TEX22: variants seen among roughly 807,000 people sequenced by gnomAD.
TEX22 encodes testis-expressed protein 22.
In TEX22, 16 loss-of-function variants were observed where a neutral mutation model predicts 11.3. That is an observed-to-expected ratio of 1.42 (90% CI 0.96 to 2.15). The LOEUF is 2.15. TEX22 is among the 30% of genes most tolerant of loss of function. TEX22 has a pLI of 0.00. For missense variants in TEX22, 220 were observed against 208.6 expected, an observed-to-expected ratio of 1.05 and a Z score of -0.34; for synonymous variants, 97 against 92.3, an observed-to-expected ratio of 1.05 and a Z score of -0.29.
At chr14:105,398,990 C>T (rs782445384) in intron 1 of TEX22, among the ~76,000 whole-genome samples, 1 of 152,254 alleles carries the variant, frequency 6.6e-6, no homozygotes. Flanking sequence ...AGGGCTGATG[C>T]CCCTGGAACG....
Position 105,399,327 on chromosome 14 carries a change from T to C in TEX22, c.-14T>C. 7.1e-7 allele frequency: 1 copy of C among 1,409,550 alleles called. No homozygotes were observed. 87.3% of individuals were successfully genotyped at this position (1,409,550 alleles called of 1,614,324 possible). A position where few individuals can be genotyped will look rare whatever the true frequency, so the allele number is the denominator to read the frequency against. On this transcript the variant is annotated 5_prime_UTR_variant, in exon 2 of 4. Coordinates refer to ENST00000451127, the MANE Select transcript of TEX22 (RefSeq NM_001195082.2). ...ATCTCAGAGGTGTGGACAAGCAGCC[T>C]ACTAGGGCTAGAGATGGACAGCAGG...
chr14:105,407,439 G>A (rs1174356564), intron 2 of TEX22, among the ~76,000 whole-genome samples: 1 of 151,224 alleles, frequency 6.6e-6, no homozygotes, highest in Non-Finnish European at 1.5e-5. Context: ...GTGGCACCAT[G>A]ACGGCTCACT....
At position 105,405,160 on chromosome 14, in the gene TEX22, A is replaced by T. The variant is rs2081651997; in HGVS notation, c.150+5670A>T. The stretch of plus-strand genomic sequence containing the variant: ...CAAAAAGTTAGCCAGGCATGGTGGC[A>T]TGTACCTGTAGTGCCAGCTACGTGG... On this transcript the variant is annotated intron_variant, in intron 2 of 3. Transcript: ENST00000451127. Among the ~76,000 whole-genome samples the T allele has an allele frequency of 2.0e-5, 3 of 152,102 alleles. No individual in the cohort carries two copies. The South Asian group carries it at 6.2e-4, about 32-fold the overall frequency.
In TEX22 at chr14:105,411,651, C is replaced by T. The variant is rs1555419405; in HGVS notation, c.280-9C>T. 2.0e-6 allele frequency: 3 copies of T among 1,526,500 alleles called. No individual in the cohort carries two copies. The highest frequency in any genetic ancestry group is 1.2e-5 in the South Asian group (1 of 83,802). 94.6% of individuals were successfully genotyped at this position (1,526,500 alleles called of 1,614,324 possible). A position where few individuals can be genotyped will look rare whatever the true frequency, so the allele number is the denominator to read the frequency against. ...CCCCTCGAGGCTCCCTGACCACCCTCGCCCGCAGGACGTCGTGCAGATGGT... is the reference window on the plus strand; with the variant it reads ...CCCCTCGAGGCTCCCTGACCACCCTTGCCCGCAGGACGTCGTGCAGATGGT... On this transcript the variant is annotated splice_polypyrimidine_tract_variant and intron_variant, in intron 3 of 3. Transcript: ENST00000451127.
intron 2 of TEX22, among the ~76,000 whole-genome samples, chr14:105,410,064 T>C (rs2081680914): frequency 6.6e-6 from 1 of 152,156 alleles, no homozygotes; most frequent in South Asian, 2.1e-4. Flanking sequence ...CCATGGCGCC[T>C]AGCCTCCTTA....
intron 2 of TEX22, among the ~76,000 whole-genome samples, chr14:105,403,473 C>T (rs2081643075): frequency 1.3e-5 from 2 of 152,174 alleles, no homozygotes; most frequent in South Asian, 2.1e-4. Context: ...CTCTCCTAGA[C>T]TCCTGCTTCT....
intron 1 of TEX22, 112 bp downstream of exon 1, chr14:105,398,747 T>A (rs1555417993): frequency 6.6e-6 from 1 of 151,468 alleles, no homozygotes; most frequent in Non-Finnish European, 1.5e-5. Flanking sequence ...CTCCAGCGTG[T>A]GTCCTGAGCC....
intron 2 of TEX22, among the ~76,000 whole-genome samples, chr14:105,404,108 A>T (rs1595219775): frequency 6.6e-6 from 1 of 152,322 alleles, no homozygotes; most frequent in Non-Finnish European, 1.5e-5. Context: ...ATCTCTCAGG[A>T]GCTTATAGTT....
intron 2 of TEX22, among the ~76,000 whole-genome samples, chr14:105,404,715 A>G (rs1566984948): frequency 6.6e-6 from 1 of 152,188 alleles, no homozygotes; most frequent in African/African-American, 2.4e-5. Context: ...GCAAAAATGG[A>G]TTATACAAAG....
chr14:105,412,997 C>G lies in TEX22; in HGVS notation c.*1164C>G, dbSNP rs1555419548. The G allele has an allele frequency of 6.6e-6, 1 of 152,394 alleles. No individual in the cohort carries two copies. The highest frequency in any genetic ancestry group is 2.4e-5 in the African/African-American group (1 of 41,424). The allele number at this position is 152,394 out of a possible 1,614,324, so 9.4% of individuals were successfully genotyped here. On this transcript the variant is annotated 3_prime_UTR_variant, in exon 4 of 4. Transcript: ENST00000451127. The surrounding 1 kb of genome is among the most constrained non-coding windows in gnomAD (Gnocchi z 5.8). The stretch of plus-strand genomic sequence containing the variant: ...CAGGATCCCTGGCCCGAGTTGAATC[C>G]TCTGCACCTGCCTGTCTCCCCTTCT...
rs1311110924 is a variant in TEX22 at position 105,412,220 on chromosome 14, G to C, written c.*387G>C. ...GGAGACTCAGCTCCTTGGCTGGCCTGGTCTGGGGAACTGGGTATCTGCCTG... is the reference window on the plus strand; with the variant it reads ...GGAGACTCAGCTCCTTGGCTGGCCTCGTCTGGGGAACTGGGTATCTGCCTG... On this transcript the variant is annotated 3_prime_UTR_variant, in exon 4 of 4. Transcript: ENST00000451127. The surrounding 1 kb of genome is among the most constrained non-coding windows in gnomAD (Gnocchi z 5.8). 5.7e-6 allele frequency: 1 copy of C among 174,832 alleles called. No individual in the cohort carries two copies. The highest frequency in any genetic ancestry group is 2.4e-5 in the African/African-American group (1 of 42,332). The allele number at this position is 174,832 out of a possible 1,614,324, so 10.8% of individuals were successfully genotyped here.
chr14:105,403,143 G>C (rs1174354332), intron 2 of TEX22, among the ~76,000 whole-genome samples: 1 of 152,146 alleles, frequency 6.6e-6, no homozygotes, highest in Admixed American at 6.6e-5. Flanking sequence ...CTTATATCGA[G>C]GTCTTATCTA....
chr14:105,409,916 A>C (rs998813708), intron 2 of TEX22, among the ~76,000 whole-genome samples: 7 of 151,980 alleles, frequency 4.6e-5, no homozygotes, highest in Non-Finnish European at 7.4e-5. Context: ...CAAGGACTAC[A>C]GGCATGTGCC....
chr14:105,404,515 C>T lies in TEX22; in HGVS notation c.150+5025C>T, dbSNP rs144143357. 6.7e-4 allele frequency among the ~76,000 whole-genome samples: 102 copies of T among 152,278 alleles called. 1 individual carries two copies. The highest frequency in any genetic ancestry group is 2.4e-3 in the African/African-American group (98 of 41,556). On this transcript the variant is annotated intron_variant, in intron 2 of 3. Coordinates refer to ENST00000451127, the MANE Select transcript of TEX22 (RefSeq NM_001195082.2). Reference sequence around the variant, plus strand: ...CAGCTCTCACAGGCAGTCATTTAGTCTATACGCTTTAAGAAATTATGTACT... The same window carrying T: ...CAGCTCTCACAGGCAGTCATTTAGTTTATACGCTTTAAGAAATTATGTACT...
intron 2 of TEX22, among the ~76,000 whole-genome samples, chr14:105,405,307 G>A (rs955185114): frequency 3.3e-5 from 5 of 151,918 alleles, no homozygotes; most frequent in Non-Finnish European, 7.4e-5. Context: ...AAAAAAGATC[G>A]AGTTGCTTGT....
At position 105,399,434 on chromosome 14, in the gene TEX22, T is replaced by C; in HGVS notation, c.94T>C (p.Trp32Arg). ...RRPPLGLIAA[W>R]GQPSIQSSVQ... ...GCCCCCACTGGGCCTGATAGCAGCC[T>C]GGGGCCAGCCCAGTATCCAGAGCAG... The change falls in exon 2 of 4, where the codon TGG becomes CGG. Residue 32 changes from tryptophan (W) to arginine (R), a missense_variant. By Grantham distance (101) the Trp-to-Arg change is moderately radical (BLOSUM62 -3). Transcript: ENST00000451127. 6.5e-7 allele frequency: 1 copy of C among 1,535,796 alleles called. No individual in the cohort carries two copies. Among genetic ancestry groups the C allele is most frequent in the Non-Finnish European group, 8.7e-7 (1 of 1,146,776 alleles).
At chr14:105,402,755 CAAAAAA>C (rs1195065703) in intron 2 of TEX22, among the ~76,000 whole-genome samples, 1 of 68,396 alleles carries the variant, frequency 1.5e-5, no homozygotes, top group African/African-American at 4.2e-5. Flanking sequence ...GACTCCGTCT[CAAAAAA>C]AAAAAAAAAA....
intron 2 of TEX22, among the ~76,000 whole-genome samples, chr14:105,409,440 CCTT>C (rs781876097): frequency 3.3e-5 from 5 of 151,940 alleles, no homozygotes; most frequent in Non-Finnish European, 7.4e-5. Context: ...TTGTCCATCA[CCTT>C]CTAGCTTGCA....
At chr14:105,402,854 G>A (rs2081640019) in intron 2 of TEX22, among the ~76,000 whole-genome samples, 1 of 152,058 alleles carries the variant, frequency 6.6e-6, no homozygotes, top group South Asian at 2.1e-4. Flanking sequence ...TGATGGAGAT[G>A]GTTATCATAT....
Sources: allele counts gnomAD v4.1 joint callset (sites outside exome capture counted in the v4.1 genomes callset), GRCh38; gene constraint gnomAD v4.1.1; non-coding constraint Gnocchi (gnomAD v3.1); transcripts MANE v1.5; gene names NCBI Gene and HGNC (gene_info 2026-07-23, HGNC 2026-07-21).